The following EPM2A variants were observed in gnomAD, a reference collection of about 807,000 sequenced individuals.
EPM2A encodes EPM2A glucan phosphatase, laforin, also known as laforin.
A neutral mutation model predicts 26.5 loss-of-function variants in EPM2A; 21 were observed. The ratio of observed to expected loss-of-function variants is 0.79; its 90% CI spans 0.56 to 1.14. The LOEUF (loss-of-function observed/expected upper bound fraction) is 1.14, where lower values mean the gene tolerates loss of function less well. EPM2A is among the 50% of genes most tolerant of loss of function. EPM2A has a pLI of 0.00. For missense variants in EPM2A, 458 were observed against 440.8 expected (o/e 1.04, Z -0.35); for synonymous variants, 217 against 177.6 (o/e 1.22, Z -1.76).
At chr6:145,407,712 C>T (rs1778588365) in intron 4 of EPM2A, among the ~76,000 whole-genome samples, 1 of 152,092 alleles carries the variant, frequency 6.6e-6, no homozygotes, top group Admixed American at 6.6e-5. Context: ...AGATGTTTTA[C>T]AGTTTTGTTG....
chr6:145,543,319 A>G (rs965046566), intron 2 of EPM2A, among the ~76,000 whole-genome samples: 15 of 152,200 alleles, frequency 9.9e-5, no homozygotes, highest in Admixed American at 3.9e-4. Flanking sequence ...AAAGGTGTCT[A>G]CACAAGCAAA....
chr6:145,431,315 G>A (rs1282179026), intron 4 of EPM2A, among the ~76,000 whole-genome samples: 4 of 152,084 alleles, frequency 2.6e-5, no homozygotes, highest in African/African-American at 4.8e-5. Flanking sequence ...CATCCTGAAT[G>A]GATGAATACC....
chr6:145,477,181 G>A (rs1162970583), intron 4 of EPM2A, among the ~76,000 whole-genome samples: 2 of 151,588 alleles, frequency 1.3e-5, no homozygotes, highest in East Asian at 1.9e-4. Context: ...CTGATAATTG[G>A]AAAATGGACA....
At chr6:145,466,650 C>T (rs1347628740) in intron 4 of EPM2A, among the ~76,000 whole-genome samples, 2 of 152,066 alleles carry the variant, frequency 1.3e-5, no homozygotes, top group Non-Finnish European at 2.9e-5. Context: ...TGGGTATATA[C>T]CCAAAGGACT....
intron 2 of EPM2A, among the ~76,000 whole-genome samples, chr6:145,505,413 G>A (rs1007777614): frequency 6.6e-6 from 1 of 151,154 alleles, no homozygotes; most frequent in East Asian, 1.9e-4. Flanking sequence ...ACACAAATAT[G>A]TATGTATATA....
chr6:145,501,654 G>A (rs1437377438), exon 4 of EPM2A: 4 of 393,742 alleles, frequency 1.0e-5, no homozygotes, highest in Non-Finnish European at 2.1e-5. Context: ...GGGCAGAAGT[G>A]GGGGAAGAAG....
chr6:145,412,380 T>A (rs1448733391), intron 4 of EPM2A, among the ~76,000 whole-genome samples: 1 of 152,188 alleles, frequency 6.6e-6, no homozygotes, highest in Non-Finnish European at 1.5e-5. Context: ...ATCACAAGTA[T>A]CTTTAATCTT....
At chr6:145,560,536 G>A (rs1780789877) in intron 2 of EPM2A, among the ~76,000 whole-genome samples, 1 of 152,084 alleles carries the variant, frequency 6.6e-6, no homozygotes. Flanking sequence ...TAGGTGAAGG[G>A]CAGGATTTGG....
At position 145,399,381 on chromosome 6, in the gene EPM2A, G is replaced by A. The variant is rs574627876; in HGVS notation, c.556-15284C>T. On this transcript the variant is annotated intron_variant, in intron 4 of 4. Coordinates refer to the EPM2A transcript ENST00000638717. Reference sequence around the variant, plus strand: ...AGATTCTTGTTTGATGGGACATGTTGTAATCAAATAAAGAAAGTTTATTTT... The same window carrying A: ...AGATTCTTGTTTGATGGGACATGTTATAATCAAATAAAGAAAGTTTATTTT... 6.6e-5 allele frequency among the ~76,000 whole-genome samples: 10 copies of A among 152,264 alleles called. No individual in the cohort carries two copies. The South Asian group carries it at 2.1e-3, about 32-fold the overall frequency.
chr6:145,392,772 C>T (rs1372377337), intron 4 of EPM2A, among the ~76,000 whole-genome samples: 5 of 152,030 alleles, frequency 3.3e-5, no homozygotes, highest in Non-Finnish European at 2.9e-5. Context: ...CAGATGTTAG[C>T]GGGACTATTT....
intron 4 of EPM2A, among the ~76,000 whole-genome samples, chr6:145,488,120 AT>A (rs1779701135): frequency 6.6e-6 from 1 of 151,990 alleles, no homozygotes. Flanking sequence ...TAAATATCAG[AT>A]AGTTGTAGGT....
At chr6:145,554,459 G>GATAGATAGATAGATAGATAGATAC (rs1187061981) in intron 2 of EPM2A, among the ~76,000 whole-genome samples, 46 of 151,612 alleles carry the variant, frequency 3.0e-4, no homozygotes, top group Middle Eastern at 3.4e-3. Flanking sequence ...TAGATAGATA[G>GATAGATAGATAGATAGATAGATAC]ATAGATAGAT....
chr6:145,403,664 T>C lies in EPM2A; in HGVS notation c.556-19567A>G, dbSNP rs144897602. On this transcript the variant is annotated intron_variant, in intron 4 of 4. Transcript: ENST00000638717. ...ACCACATTTTCTTTATCTGTTCATCTGTTGATGGGCATTTAGTGTGCTTCC... is the reference window on the plus strand; with the variant it reads ...ACCACATTTTCTTTATCTGTTCATCCGTTGATGGGCATTTAGTGTGCTTCC... Among the ~76,000 whole-genome samples, 324 of 152,296 alleles carry C rather than the reference T, an allele frequency of 2.1e-3. 3 individuals are homozygous for C. The highest frequency in any genetic ancestry group is 7.2e-3 in the African/African-American group (300 of 41,568).
intron 2 of EPM2A, among the ~76,000 whole-genome samples, chr6:145,678,231 G>C (rs1315097304): frequency 6.6e-6 from 1 of 152,092 alleles, no homozygotes; most frequent in African/African-American, 2.4e-5. Flanking sequence ...GCAGTATGTA[G>C]AAAGCTGAAA....
chr6:145,531,669 A>C (rs1780357090), intron 2 of EPM2A, among the ~76,000 whole-genome samples: 1 of 152,112 alleles, frequency 6.6e-6, no homozygotes, highest in Admixed American at 6.6e-5. Context: ...GCTAAGACCC[A>C]ACCCGGTACC....
chr6:145,536,291 T>TTTTG (rs961409465), intron 2 of EPM2A, among the ~76,000 whole-genome samples: 1 of 150,956 alleles, frequency 6.6e-6, no homozygotes, highest in Non-Finnish European at 1.5e-5. Context: ...TGGTTTTTGG[T>TTTTG]TTTGTTTGTT....
At position 145,507,409 on chromosome 6, in the gene EPM2A, G is replaced by A. The variant is rs186946194; in HGVS notation, c.341-4834C>T. 2.4e-4 allele frequency among the ~76,000 whole-genome samples: 36 copies of A among 152,314 alleles called. No individual in the cohort carries two copies. The East Asian group carries it at 6.2e-3, about 26-fold the overall frequency. Reference sequence around the variant, plus strand: ...CTTGCGACAGCATTCAGCTGAAAAGGTGTGTGGGAGGGGCAGTCAGTCTCC... The same window carrying A: ...CTTGCGACAGCATTCAGCTGAAAAGATGTGTGGGAGGGGCAGTCAGTCTCC... On this transcript the variant is annotated intron_variant, in intron 2 of 3. Coordinates refer to the EPM2A transcript ENST00000450221.
intron 2 of EPM2A, among the ~76,000 whole-genome samples, chr6:145,550,145 A>C (rs1039795735): frequency 2.8e-4 from 42 of 152,084 alleles, no homozygotes; most frequent in African/African-American, 8.7e-4. Flanking sequence ...GGGAACAGCA[A>C]ATGCAGGGAG....
At chr6:145,704,519 CAG>C (rs533686949) in intron 1 of EPM2A, among the ~76,000 whole-genome samples, 113 of 152,296 alleles carry the variant, frequency 7.4e-4, no homozygotes, top group Middle Eastern at 3.4e-3. Flanking sequence ...TCCAGTGGGA[CAG>C]ATAGCGGAAG....
Sources: allele counts gnomAD v4.1 joint callset (sites outside exome capture counted in the v4.1 genomes callset), GRCh38; gene constraint gnomAD v4.1.1; transcripts MANE v1.5; gene names NCBI Gene and HGNC (gene_info 2026-07-23, HGNC 2026-07-21).